Variants in KANSL3 observed in about 807,000 individuals in gnomAD.
KANSL3 encodes the protein KAT8 regulatory NSL complex subunit 3.
In KANSL3, 16 loss-of-function variants were observed where a neutral mutation model predicts 89.2. The ratio of observed to expected loss-of-function variants is 0.18; its 90% CI spans 0.12 to 0.27. KANSL3 has a LOEUF of 0.27. Among genes scored for constraint, KANSL3 ranks in the 10% least tolerant of loss-of-function variants. The probability of loss-of-function intolerance (pLI) is 1.00; values close to 1 mark genes in which losing one functional copy is unlikely to be tolerated. For missense variants in KANSL3, 879 were observed against 1,110.6 expected, an observed-to-expected ratio of 0.79 and a Z score of 2.96; for synonymous variants, 385 against 419.7, an observed-to-expected ratio of 0.92 and a Z score of 1.01.
chr2:96,611,168 G>A (rs758063181), intron 9 of KANSL3, 30 bp from the exon 10 acceptor site: 73 of 1,593,476 alleles, frequency 4.6e-5, no homozygotes, highest in Non-Finnish European at 5.6e-5. Flanking sequence ...TTGTCTAAAC[G>A]TCAACTGAGT....
At chr2:96,628,123 T>C in intron 3 of KANSL3, 1 of 1,290,032 alleles carries the variant, frequency 7.8e-7, no homozygotes, top group East Asian at 5.5e-5. Flanking sequence ...TCTGTCAGTG[T>C]TTCTCTAAAG....
chr2:96,602,158 T>C lies in KANSL3; in HGVS notation c.2440A>G (p.Ser814Gly), dbSNP rs1046731116. 3.1e-6 allele frequency: 5 copies of C among 1,597,654 alleles called. No homozygotes were observed. The highest frequency in any genetic ancestry group is 3.5e-5 in the Admixed American group (2 of 57,560). ...LTNGGLAKLA[S>G]SLPGLAQISN... ...ATCTGAGCCAGGCCAGGGAGGCTGC[T>C]TGCCAACTTAGCGAGGCCCCCATTG... Residue 814 changes from serine to glycine, a missense_variant, in exon 19 of 21, where the codon AGC (serine) becomes GGC (glycine). Physicochemically the swap from Ser to Gly is moderately conservative, Grantham distance 56. This residue lies in a region of KANSL3 where 89 missense variants were observed against 139.7 expected (regional missense o/e 0.64). Transcript: ENST00000431828.
intron 6 of KANSL3, 70 bp from the exon 7 acceptor site, chr2:96,613,004 C>T (rs1205607474): frequency 1.4e-5 from 14 of 1,003,842 alleles, no homozygotes; most frequent in Non-Finnish European, 2.0e-5. Flanking sequence ...CCAAGTATCC[C>T]AATACCTTTC....
rs373878480 is a variant in KANSL3 at position 96,608,632 on chromosome 2, G to A, written c.1617C>T (p.Ser539=). The A allele has an allele frequency of 6.1e-5, 99 of 1,613,934 alleles. No individual in the cohort carries two copies. Among genetic ancestry groups the A allele is most frequent in the Non-Finnish European group, 7.4e-5 (87 of 1,179,914 alleles). ...DLSSVSSSPT[S]SPKTKVTTVT... ...CTGTGGTCACTTTGGTCTTGGGACT[G>A]GAGGTGGGGCTGCTGGACACACTGG... Residue 539 remains serine, a synonymous_variant, in exon 14 of 21, where the codon TCC becomes TCT. Coordinates refer to ENST00000431828, the MANE Select transcript of KANSL3 (RefSeq NM_001115016.3).
chr2:96,611,692 C>T (rs1300593926), intron 9 of KANSL3, among the ~76,000 whole-genome samples: 2 of 152,122 alleles, frequency 1.3e-5, no homozygotes, highest in African/African-American at 4.8e-5. Flanking sequence ...GGGACACTTA[C>T]ACAAACTGAC....
intron 5 of KANSL3, chr2:96,615,435 C>T (rs2069878854): frequency 4.3e-6 from 4 of 931,412 alleles, no homozygotes; most frequent in Non-Finnish European, 5.9e-6. Context: ...TTACTATCTA[C>T]CAGAAATGTG....
intron 5 of KANSL3, among the ~76,000 whole-genome samples, chr2:96,618,846 G>A (rs947374818): frequency 2.6e-5 from 4 of 152,180 alleles, no homozygotes; most frequent in African/African-American, 9.7e-5. Context: ...GTTTAACTTT[G>A]TGCAATACTA....
chr2:96,601,690 C>T lies in KANSL3; in HGVS notation c.2569G>A (p.Ala857Thr). The T allele has an allele frequency of 6.2e-7, 1 of 1,613,392 alleles. No individual in the cohort carries two copies. Among genetic ancestry groups the T allele is most frequent in the Non-Finnish European group, 8.5e-7 (1 of 1,179,600 alleles). The change falls in exon 20 of 21, where the codon GCC becomes ACC. Residue 857 changes from alanine to threonine, a missense_variant. Around this residue, in one of 6 missense-constraint regions of KANSL3, gnomAD observed 61 missense variants for 61.7 expected, o/e 0.99. Coordinates refer to ENST00000431828, the MANE Select transcript of KANSL3 (RefSeq NM_001115016.3). ...TTLSPMGSGA[A>T]PSEESSSQVL... ...TGGGAAGAGGACTCCTCGGATGGGG[C>T]TGCTCCTGAGCCCATAGGGCTCAGT...
At chr2:96,628,216 C>T in intron 3 of KANSL3, 5 of 1,247,856 alleles carry the variant, frequency 4.0e-6, no homozygotes, top group Middle Eastern at 2.3e-4. Flanking sequence ...AGCTATTCTG[C>T]TGTGCCTCCT....
chr2:96,596,917 A>T (rs140847775), intron 20 of KANSL3, among the ~76,000 whole-genome samples: 318 of 152,322 alleles, frequency 2.1e-3, no homozygotes, highest in Non-Finnish European at 3.4e-3. Context: ...GCAGGGCACA[A>T]CATAGTCTCT....
chr2:96,604,661 G>T, intron 16 of KANSL3, 118 bp downstream of exon 16: 1 of 965,354 alleles, frequency 1.0e-6, no homozygotes, highest in Non-Finnish European at 1.6e-6. Flanking sequence ...TCAGAAGTAA[G>T]TCACATTTCC....
intron 2 of KANSL3, among the ~76,000 whole-genome samples, chr2:96,632,282 T>C (rs759453937): frequency 1.3e-5 from 2 of 152,058 alleles, no homozygotes; most frequent in East Asian, 3.9e-4. Context: ...AGTTTGGCAA[T>C]ATGGCAAAAC....
Position 96,593,299 on chromosome 2 carries a change from C to T in KANSL3, c.*2312G>A, listed in dbSNP as rs183519893. 1.5e-5 allele frequency: 7 copies of T among 456,064 alleles called. No individual in the cohort carries two copies. The East Asian group carries it at 4.9e-4, about 32-fold the overall frequency. 28.3% of individuals were successfully genotyped at this position (456,064 alleles called of 1,614,324 possible). ...ACCAAGAGTAGACAGGTCTTCCTACCTCAGTGACCTCAAAACACAAGGACA... is the reference window on the plus strand; with the variant it reads ...ACCAAGAGTAGACAGGTCTTCCTACTTCAGTGACCTCAAAACACAAGGACA... On this transcript the variant is annotated 3_prime_UTR_variant, in exon 21 of 21. Coordinates refer to ENST00000431828, the MANE Select transcript of KANSL3 (RefSeq NM_001115016.3).
At chr2:96,602,433 G>C in intron 18 of KANSL3, 95 bp from the exon 19 acceptor site, 1 of 882,870 alleles carries the variant, frequency 1.1e-6, no homozygotes, top group South Asian at 1.5e-5. Context: ...AGGCTAACAT[G>C]TATTGAGTGC....
At chr2:96,586,191 C>T in the KANSL3 span, among the ~76,000 whole-genome samples, 2 of 149,368 alleles carry the variant, frequency 1.3e-5, no homozygotes, top group African/African-American at 5.0e-5. Flanking sequence ...TGCCACTGCA[C>T]TCTAGCCTGG....
intron 1 of KANSL3, 107 bp from the exon 2 acceptor site, chr2:96,637,292 T>C (rs2074373818): frequency 1.8e-6 from 1 of 570,520 alleles, no homozygotes; most frequent in South Asian, 2.2e-5. Context: ...TCCTATTGAG[T>C]ATCCATTTCA....
chr2:96,615,511 G>A (rs929839332), intron 5 of KANSL3: 128 of 1,287,154 alleles, frequency 9.9e-5, no homozygotes, highest in Non-Finnish European at 1.2e-4. Flanking sequence ...AAATATCTGC[G>A]AATTCCATGC....
intron 20 of KANSL3, chr2:96,600,990 T>A: frequency 2.8e-6 from 2 of 713,250 alleles, no homozygotes; most frequent in Non-Finnish European, 3.4e-6. Flanking sequence ...TCCATGTCCT[T>A]AAAAACAAAG....
chr2:96,630,145 T>G (rs1558775933), intron 3 of KANSL3, among the ~76,000 whole-genome samples: 2 of 152,198 alleles, frequency 1.3e-5, no homozygotes, highest in Admixed American at 6.5e-5. Context: ...AGAGTTATCA[T>G]ATGACCCAAC....
Sources: allele counts gnomAD v4.1 joint callset (sites outside exome capture counted in the v4.1 genomes callset), GRCh38; gene constraint gnomAD v4.1.1; regional missense constraint gnomAD v4.1.1; transcripts MANE v1.5; gene names NCBI Gene and HGNC (gene_info 2026-07-23, HGNC 2026-07-21).